The following SRGAP3 variants were observed in gnomAD, a reference collection of about 807,000 sequenced individuals.
SRGAP3 encodes the protein SLIT-ROBO Rho GTPase-activating protein 3.
SRGAP3 carries 39 observed loss-of-function variants against 121.1 expected under a neutral mutation model. That is an observed-to-expected ratio of 0.32 (90% CI 0.25 to 0.42). SRGAP3 has a LOEUF of 0.42. Ranked by LOEUF, SRGAP3 falls within the 10% of genes least tolerant of loss-of-function variation. SRGAP3 has a pLI of 1.00. For synonymous variants in SRGAP3, 601 were observed against 570.0 expected (o/e 1.05, Z -0.77); for missense variants, 1,213 against 1,470.6 (o/e 0.82, Z 2.86).
At chr3:9,266,038 A>T (rs2125258215) in intron 3 of SRGAP3, among the ~76,000 whole-genome samples, 1 of 152,372 alleles carries the variant, frequency 6.6e-6, no homozygotes, top group East Asian at 1.9e-4. Context: ...AATACTATGC[A>T]GCCATAAAAA....
At chr3:9,162,878 A>T (rs1200171452) in intron 1 of SRGAP3, among the ~76,000 whole-genome samples, 1 of 152,268 alleles carries the variant, frequency 6.6e-6, no homozygotes, top group East Asian at 1.9e-4. Flanking sequence ...GCAAGCCAGT[A>T]CAGCAGAGGC....
At chr3:9,349,075 T>C in intron 1 of SRGAP3, 1 of 947,174 alleles carries the variant, frequency 1.1e-6, no homozygotes, top group Non-Finnish European at 1.7e-6. Flanking sequence ...TGCCCACTGG[T>C]ATTCCCGTTG....
intron 3 of SRGAP3, among the ~76,000 whole-genome samples, chr3:9,083,268 T>A (rs1358887120): frequency 6.6e-6 from 1 of 152,202 alleles, no homozygotes; most frequent in Non-Finnish European, 1.5e-5. Context: ...ATGTGTTTAT[T>A]TTTATGATCT....
chr3:9,242,121 G>A (rs765512992), intron 1 of SRGAP3, among the ~76,000 whole-genome samples: 3 of 148,778 alleles, frequency 2.0e-5, no homozygotes, highest in African/African-American at 7.5e-5. Context: ...GAAAGGGAGA[G>A]ATTTCTCTCT....
chr3:9,115,348 C>T (rs1948765819), intron 2 of SRGAP3, among the ~76,000 whole-genome samples: 1 of 152,198 alleles, frequency 6.6e-6, no homozygotes, highest in Non-Finnish European at 1.5e-5. Context: ...TAAACCCGTA[C>T]ATATTACTGT....
intron 3 of SRGAP3, among the ~76,000 whole-genome samples, chr3:9,307,580 T>C (rs1481453633): frequency 1.3e-5 from 2 of 152,186 alleles, no homozygotes; most frequent in Non-Finnish European, 2.9e-5. Flanking sequence ...CTATTACACA[T>C]TACTTGAAAA....
chr3:9,283,404 T>C (rs1048471996), intron 3 of SRGAP3, among the ~76,000 whole-genome samples: 16 of 152,224 alleles, frequency 1.1e-4, no homozygotes, highest in African/African-American at 2.4e-4. Context: ...TTGGAAAATA[T>C]TGGCTCACTG....
intron 4 of SRGAP3, among the ~76,000 whole-genome samples, chr3:9,068,871 C>G (rs1182909308): frequency 1.3e-5 from 2 of 152,066 alleles, no homozygotes; most frequent in Admixed American, 1.3e-4. Context: ...ATGACAGTAA[C>G]AACAATGATA....
chr3:9,259,781 G>A (rs902644214), intron 3 of SRGAP3, among the ~76,000 whole-genome samples: 3 of 151,284 alleles, frequency 2.0e-5, no homozygotes, highest in Admixed American at 1.3e-4. Context: ...TGTGGCAAGT[G>A]TGACTGCAGA....
rs1559235478 is a variant in SRGAP3, at chr3:9,239,902, T to C, written c.67+8983A>G. 6.6e-6 allele frequency among the ~76,000 whole-genome samples: 1 copy of C among 152,218 alleles called. No individual in the cohort carries two copies. Among genetic ancestry groups the C allele is most frequent in the Non-Finnish European group, 1.5e-5 (1 of 68,036 alleles). On this transcript the variant is annotated intron_variant, in intron 1 of 21. Transcript: ENST00000383836. This position sits in a 1 kb window ranked among gnomAD's most constrained non-coding sequence, Gnocchi z 4.0. The stretch of plus-strand genomic sequence containing the variant: ...AAGCACCCAGATGATCCATGAATTG[T>C]GCAGCCTGACATATTCTAAAATGTA...
chr3:9,339,386 T>C (rs1416068688), intron 1 of SRGAP3, among the ~76,000 whole-genome samples: 1 of 152,182 alleles, frequency 6.6e-6, no homozygotes, highest in Non-Finnish European at 1.5e-5. Context: ...AAAAATCAAA[T>C]GATGTATGCA....
chr3:9,069,178 G>C (rs772727810), intron 4 of SRGAP3, among the ~76,000 whole-genome samples: 1 of 152,118 alleles, frequency 6.6e-6, no homozygotes, highest in African/African-American at 2.4e-5. Context: ...GGGGTGAAAG[G>C]CTCCTCCAGC....
chr3:9,285,621 G>C (rs1298303267), intron 3 of SRGAP3, among the ~76,000 whole-genome samples: 1 of 151,984 alleles, frequency 6.6e-6, no homozygotes, highest in Non-Finnish European at 1.5e-5. Flanking sequence ...GTCCGTATCT[G>C]TCCACTCTTC....
chr3:9,128,702 A>G (rs961831435), intron 1 of SRGAP3, among the ~76,000 whole-genome samples: 3 of 152,258 alleles, frequency 2.0e-5, no homozygotes, highest in African/African-American at 7.2e-5. Flanking sequence ...AATGTCTAGT[A>G]AGAATAGAAT....
intron 2 of SRGAP3, among the ~76,000 whole-genome samples, chr3:9,329,392 G>A (rs1276245288): frequency 1.3e-5 from 2 of 151,836 alleles, no homozygotes; most frequent in African/African-American, 4.9e-5. Flanking sequence ...GCATCATAAA[G>A]GAAAAATGAT....
chr3:9,179,427 G>A (rs765995529), intron 1 of SRGAP3, among the ~76,000 whole-genome samples: 51 of 152,258 alleles, frequency 3.3e-4, no homozygotes, highest in Middle Eastern at 3.4e-3. Context: ...GGTAATAATA[G>A]GCATCAAAAG....
At chr3:9,190,596 G>A (rs1297407459) in intron 1 of SRGAP3, among the ~76,000 whole-genome samples, 1 of 152,218 alleles carries the variant, frequency 6.6e-6, no homozygotes, top group African/African-American at 2.4e-5. Context: ...ATGCACTGAA[G>A]CTACCTGGGG....
At chr3:9,339,725 C>A (rs1955749997) in intron 1 of SRGAP3, among the ~76,000 whole-genome samples, 1 of 152,170 alleles carries the variant, frequency 6.6e-6, no homozygotes, top group Non-Finnish European at 1.5e-5. Context: ...AAATAAAATA[C>A]ACCTAACCTA....
At chr3:9,265,613 GA>G (rs533497535) in intron 3 of SRGAP3, among the ~76,000 whole-genome samples, 11 of 148,198 alleles carry the variant, frequency 7.4e-5, no homozygotes, top group Admixed American at 1.3e-4. Flanking sequence ...ACAAACATAT[GA>G]AAAAAAAAAC....
Sources: allele counts gnomAD v4.1 joint callset (sites outside exome capture counted in the v4.1 genomes callset), GRCh38; gene constraint gnomAD v4.1.1; non-coding constraint Gnocchi (gnomAD v3.1); transcripts MANE v1.5; gene names NCBI Gene and HGNC (gene_info 2026-07-23, HGNC 2026-07-21).